SOX5: variants seen among roughly 807,000 people sequenced by gnomAD.
SOX5 encodes the protein SRY-box transcription factor 5.
Under a neutral mutation model 92.0 loss-of-function variants are expected in SOX5, and 9 were observed. The ratio of observed to expected loss-of-function variants is 0.10; its 90% CI spans 0.06 to 0.17. SOX5 has a LOEUF of 0.17. Ranked by LOEUF, SOX5 falls within the 10% of genes least tolerant of loss-of-function variation. The pLI, the probability that SOX5 is intolerant of heterozygous loss-of-function variation, is 1.00. For synonymous variants in SOX5, 344 were observed against 336.3 expected, an observed-to-expected ratio of 1.02 and a Z score of -0.25; for missense variants, 642 against 944.5, an observed-to-expected ratio of 0.68 and a Z score of 4.20.
At chr12:24,230,096 C>T (rs765525572) in intron 3 of SOX5, among the ~76,000 whole-genome samples, 1 of 152,102 alleles carries the variant, frequency 6.6e-6, no homozygotes, top group Non-Finnish European at 1.5e-5. Flanking sequence ...TCAGATTGGC[C>T]TTGAATTACC....
intron 4 of SOX5, among the ~76,000 whole-genome samples, chr12:24,151,859 G>GT (rs1229426269): frequency 1.3e-5 from 2 of 151,582 alleles, no homozygotes; most frequent in African/African-American, 4.8e-5. Flanking sequence ...GATGCAAGAA[G>GT]TAAAAAAATA....
chr12:24,242,982 TAAC>T (rs957953019), intron 3 of SOX5, among the ~76,000 whole-genome samples: 2 of 151,540 alleles, frequency 1.3e-5, no homozygotes, highest in Admixed American at 1.3e-4. Context: ...TAAGGGTATA[TAAC>T]AACAATTTTA....
At chr12:24,524,904 C>T (rs953491664) in intron 1 of SOX5, among the ~76,000 whole-genome samples, 13 of 152,088 alleles carry the variant, frequency 8.5e-5, no homozygotes, top group Non-Finnish European at 1.8e-4. Flanking sequence ...TTTGAGATTG[C>T]AGTGAGCTAG....
rs1212859434 is a variant in SOX5, at chr12:24,320,871, A to AAAAT, written c.-173-43560_-173-43559insATTT. On this transcript the variant is annotated intron_variant, in intron 2 of 4. Coordinates refer to the SOX5 transcript ENST00000446891. Reference sequence around the variant, plus strand: ...CAGAGCAAGACTCTGTCTCAAAAAAAAATAATAATAATAATAATAATAATA... The same window carrying AAAAT: ...CAGAGCAAGACTCTGTCTCAAAAAAAAAATAATAATAATAATAATAATAATAATA... Among the ~76,000 whole-genome samples, 1,473 of 148,252 alleles carry AAAAT rather than the reference A, an allele frequency of 9.9e-3. 25 individuals are homozygous for AAAAT. Among genetic ancestry groups the AAAAT allele is most frequent in the African/African-American group, 0.027 (1,102 of 40,196 alleles).
intron 6 of SOX5, among the ~76,000 whole-genome samples, chr12:23,686,614 T>C (rs953125358): frequency 6.6e-6 from 1 of 152,130 alleles, no homozygotes; most frequent in African/African-American, 2.4e-5. Flanking sequence ...GAAATACAAA[T>C]TCTCTTTTAA....
intron 10 of SOX5, among the ~76,000 whole-genome samples, chr12:23,572,792 A>T (rs758619149): frequency 6.6e-6 from 1 of 152,202 alleles, no homozygotes; most frequent in Non-Finnish European, 1.5e-5. Context: ...TAGGATGCTG[A>T]GCAGAGTAAC....
chr12:24,137,398 C>T (rs1457918096), intron 4 of SOX5, among the ~76,000 whole-genome samples: 2 of 151,976 alleles, frequency 1.3e-5, no homozygotes, highest in African/African-American at 2.4e-5. Flanking sequence ...TTTGGGAGGC[C>T]GAGGCGTGCG....
chr12:23,601,744 T>C (rs1009140063), intron 9 of SOX5, among the ~76,000 whole-genome samples: 1 of 152,180 alleles, frequency 6.6e-6, no homozygotes, highest in Non-Finnish European at 1.5e-5. Context: ...GTCCTCTTTA[T>C]TTATTATAGG....
intron 4 of SOX5, among the ~76,000 whole-genome samples, chr12:24,006,760 T>TAA (rs113395495): frequency 1.7e-4 from 26 of 151,424 alleles, no homozygotes; most frequent in Admixed American, 9.2e-4. Flanking sequence ...ATGGCTGTTT[T>TAA]AAAAAAAAAT....
chr12:24,270,127 T>C (rs2140317586), intron 3 of SOX5, among the ~76,000 whole-genome samples: 1 of 152,206 alleles, frequency 6.6e-6, no homozygotes, highest in African/African-American at 2.4e-5. Context: ...AGTGGCACGA[T>C]CTCAGCTCAC....
At chr12:24,240,075 AT>A (rs1374582973) in intron 3 of SOX5, among the ~76,000 whole-genome samples, 3 of 152,196 alleles carry the variant, frequency 2.0e-5, no homozygotes, top group Admixed American at 2.0e-4. Context: ...CTGAAGTCCT[AT>A]TTACTGCCTG....
At chr12:24,021,349 C>T (rs1020499744) in intron 4 of SOX5, among the ~76,000 whole-genome samples, 1 of 152,118 alleles carries the variant, frequency 6.6e-6, no homozygotes, top group Non-Finnish European at 1.5e-5. Context: ...TTGGGGTTTT[C>T]TTCTCTTGGA....
intron 4 of SOX5, among the ~76,000 whole-genome samples, chr12:23,990,310 G>A (rs1166616378): frequency 6.6e-6 from 1 of 152,070 alleles, no homozygotes; most frequent in African/African-American, 2.4e-5. Context: ...CCCTTCAACA[G>A]CTTCCCATTA....
At chr12:24,279,522 G>A (rs1944910759) in intron 2 of SOX5, among the ~76,000 whole-genome samples, 2 of 151,812 alleles carry the variant, frequency 1.3e-5, no homozygotes, top group Admixed American at 1.3e-4. Flanking sequence ...CGCTGATATC[G>A]CTAATATCAC....
chr12:24,314,994 T>C (rs1236669645), intron 2 of SOX5, among the ~76,000 whole-genome samples: 1 of 152,218 alleles, frequency 6.6e-6, no homozygotes, highest in Non-Finnish European at 1.5e-5. Context: ...ATAATAAATA[T>C]TCAACAAATA....
chr12:23,740,925 G>A lies in SOX5; in HGVS notation c.683C>T (p.Ala228Val), dbSNP rs763735016. ...CTGACGCTGTTTCTCAATCTGAGAG[G>A]CAGCTAGTTTCTTCTGCTCATCGTG... ...AAHDEQKKLA[A>V]SQIEKQRQQM... Residue 228 changes from alanine to valine, a missense_variant, in exon 5 of 15, where the codon GCC becomes GTC. Ala to Val is a moderately conservative substitution (Grantham distance 64). Coordinates refer to ENST00000451604, the MANE Select transcript of SOX5 (RefSeq NM_006940.6). 65 of 1,613,134 alleles carry A rather than the reference G, an allele frequency of 4.0e-5. No individual in the cohort carries two copies. Among genetic ancestry groups the A allele is most frequent in the Non-Finnish European group, 4.2e-5 (50 of 1,179,420 alleles).
intron 1 of SOX5, among the ~76,000 whole-genome samples, chr12:24,388,620 T>C (rs907455328): frequency 2.0e-5 from 3 of 152,156 alleles, no homozygotes; most frequent in African/African-American, 7.2e-5. Flanking sequence ...TTTGAGATGT[T>C]TATATAATAC....
At chr12:23,986,898 C>T (rs765427293) in intron 4 of SOX5, among the ~76,000 whole-genome samples, 3 of 152,056 alleles carry the variant, frequency 2.0e-5, no homozygotes, top group African/African-American at 7.2e-5. Flanking sequence ...GCTTAAAATT[C>T]TACTTCAAAT....
intron 8 of SOX5, among the ~76,000 whole-genome samples, chr12:23,626,690 T>TTA (rs1491142532): frequency 1.4e-5 from 2 of 145,058 alleles, no homozygotes; most frequent in African/African-American, 5.0e-5. Flanking sequence ...TTTTTTTTTT[T>TTA]ATCTTATCCC....
Sources: gnomAD v4.1 joint callset for allele counts (sites outside exome capture counted in the v4.1 genomes callset) on GRCh38, gnomAD v4.1.1 for gene constraint, MANE v1.5 for transcripts, NCBI Gene and HGNC (gene_info 2026-07-23, HGNC 2026-07-21) for gene names.